The following IFI16 variants were observed in gnomAD, a reference collection of about 807,000 sequenced individuals.
The protein encoded by IFI16 is gamma-interferon-inducible protein 16.
In IFI16, 49 loss-of-function variants were observed where a neutral mutation model predicts 68.4. The ratio of observed to expected loss-of-function variants is 0.72; its 90% CI spans 0.57 to 0.91. IFI16 has a LOEUF of 0.91. IFI16 is among the 40% of genes least tolerant of loss of function. IFI16 has a pLI of 0.00. For synonymous variants in IFI16, 307 were observed against 315.0 expected (o/e 0.97, Z 0.27); for missense variants, 878 against 942.9 (o/e 0.93, Z 0.90).
At chr1:159,052,767 GA>G (rs939525026) in intron 10 of IFI16, 3 of 150,600 alleles carry the variant, frequency 2.0e-5, no homozygotes, top group Admixed American at 6.6e-5. Context: ...GCAAAAAAAA[GA>G]AAAAAAGCTT....
Position 159,054,952 on chromosome 1 carries a change from T to C in IFI16, c.*51T>C. The C allele has an allele frequency of 1.0e-6, 1 of 967,144 alleles. No individual in the cohort carries two copies. Among genetic ancestry groups the C allele is most frequent in the South Asian group, 1.4e-5 (1 of 71,322 alleles). 59.9% of individuals were successfully genotyped at this position (967,144 alleles called of 1,614,324 possible). A position where few individuals can be genotyped will look rare whatever the true frequency, so the allele number is the denominator to read the frequency against. On this transcript the variant is annotated 3_prime_UTR_variant, in exon 12 of 12. Transcript: ENST00000295809. ...TTTATGGAGATAAGGTCTAAGTGCC[T>C]AAAAAAATGTACATATACCTGGTTG...
In IFI16 at chr1:159,051,851, TGAA is replaced by T; in HGVS notation, c.1840_1842del (p.Lys614del). ...GCAACTGAGAATGAAGTCTTCCGAG[TGAA>T]GGTTTTTAATATTGACCTAAAGGAG... On this transcript the variant is annotated inframe_deletion, in exon 10 of 12. Transcript: ENST00000295809. 4 of 1,614,008 alleles carry T rather than the reference TGAA, an allele frequency of 2.5e-6. No homozygotes were observed. Among genetic ancestry groups the T allele is most frequent in the Non-Finnish European group, 3.4e-6 (4 of 1,179,950 alleles).
intron 6 of IFI16, among the ~76,000 whole-genome samples, chr1:159,027,242 C>T (rs1335552209): frequency 1.3e-5 from 2 of 152,068 alleles, no homozygotes. Context: ...TAAAGTGATG[C>T]TGGATTTTGT....
At chr1:159,045,561 A>G in intron 8 of IFI16, 97 bp downstream of exon 8, 3 of 1,353,736 alleles carry the variant, frequency 2.2e-6, no homozygotes, top group South Asian at 2.7e-5. Context: ...CCTACTACAT[A>G]CAATGCTTTA....
At chr1:159,018,104 C>A in intron 4 of IFI16, 125 bp from the exon 5 acceptor site, 1 of 733,370 alleles carries the variant, frequency 1.4e-6, no homozygotes, top group Non-Finnish European at 2.3e-6. Context: ...CCCTCTCTAT[C>A]CTGACTCCAG....
rs574839182 is a variant in IFI16, at chr1:159,031,532, T to C, written c.1162-992T>C. ...CTCTTCCCGCTGCTTCCTCTACCCC[T>C]GTATTTCGCTCAGCTCTCTAAATTC... On this transcript the variant is annotated intron_variant, in intron 6 of 11. Coordinates refer to ENST00000295809, the MANE Select transcript of IFI16 (RefSeq NM_001376587.1). 2.0e-5 allele frequency among the ~76,000 whole-genome samples: 3 copies of C among 152,304 alleles called. No individual in the cohort carries two copies. In the South Asian group the frequency reaches 6.2e-4, roughly 32 times the overall value.
chr1:159,007,723 A>G (rs1171108817), upstream of IFI16, among the ~76,000 whole-genome samples: 2 of 152,096 alleles, frequency 1.3e-5, no homozygotes, highest in East Asian at 1.9e-4. Context: ...CTCTCTCTCA[A>G]CACTAGGTGA....
chr1:159,001,646 T>C (rs1652064551), upstream of IFI16, among the ~76,000 whole-genome samples: 1 of 152,168 alleles, frequency 6.6e-6, no homozygotes, highest in Non-Finnish European at 1.5e-5. Flanking sequence ...TATTATATGC[T>C]AAACACAGTC....
rs1653100311 is a variant in IFI16 at position 159,018,668 on chromosome 1, G to A, written c.972+17G>A. The A allele has an allele frequency of 1.9e-6, 3 of 1,553,014 alleles. No homozygotes were observed. In the South Asian group the frequency reaches 3.6e-5, roughly 19 times the overall value. ...CTACATAAGGTAAGTCCTCAAAATT[G>A]TTTCGTTTCATTTTTCCACCAACAC... is the stretch of plus-strand genomic sequence containing the variant. On this transcript the variant is annotated intron_variant, in intron 5 of 11. Transcript: ENST00000295809.
At chr1:159,003,063 C>A (rs1652118136), upstream of IFI16, among the ~76,000 whole-genome samples, 1 of 152,154 alleles carries the variant, frequency 6.6e-6, no homozygotes, top group Admixed American at 6.5e-5. Flanking sequence ...AGGCATTATG[C>A]CAAATATATA....
At chr1:159,052,691 A>G (rs1655436232) in intron 10 of IFI16, 1 of 152,228 alleles carries the variant, frequency 6.6e-6, no homozygotes, top group Non-Finnish European at 1.5e-5. Flanking sequence ...TAAGAGAAAT[A>G]CGAAGCAAAA....
At chr1:159,032,869 C>A (rs1393682267) in intron 7 of IFI16, among the ~76,000 whole-genome samples, 178 bp downstream of exon 7, 2 of 151,978 alleles carry the variant, frequency 1.3e-5, no homozygotes, top group Admixed American at 1.3e-4. Context: ...ACATCATAAT[C>A]TTTACTATCT....
intron 8 of IFI16, among the ~76,000 whole-genome samples, chr1:159,048,246 T>C (rs1234891461): frequency 6.6e-6 from 1 of 151,346 alleles, no homozygotes. Context: ...TTATTGAGCA[T>C]TTACTGAGCT....
At chr1:159,041,737 TGTGTAGGCTGAA>T (rs1344021374) in intron 7 of IFI16, among the ~76,000 whole-genome samples, 1 of 152,192 alleles carries the variant, frequency 6.6e-6, no homozygotes, top group Non-Finnish European at 1.5e-5. Flanking sequence ...ATCCTGGTCC[TGTGTAGGCTGAA>T]ATGTGGGCTG....
At chr1:159,037,298 C>T (rs375828081) in intron 7 of IFI16, among the ~76,000 whole-genome samples, 3 of 152,248 alleles carry the variant, frequency 2.0e-5, no homozygotes, top group Non-Finnish European at 2.9e-5. Context: ...CCATGGCCGC[C>T]GATGCTTAAT....
At chr1:159,011,925 ACTAT>A (rs988070534) in intron 1 of IFI16, among the ~76,000 whole-genome samples, 24 of 152,078 alleles carry the variant, frequency 1.6e-4, no homozygotes, top group East Asian at 7.7e-4. Context: ...ATATCATCTC[ACTAT>A]CTAAGACAAT....
intron 7 of IFI16, among the ~76,000 whole-genome samples, chr1:159,033,772 C>T (rs768684886): frequency 2.6e-5 from 4 of 152,172 alleles, no homozygotes; most frequent in Non-Finnish European, 4.4e-5. Flanking sequence ...ACATAGCCCA[C>T]GCTTTGCAAA....
intron 7 of IFI16, among the ~76,000 whole-genome samples, chr1:159,035,999 T>C (rs1654311157): frequency 6.6e-6 from 1 of 152,216 alleles, no homozygotes; most frequent in Admixed American, 6.5e-5. Context: ...CAGAAATGAA[T>C]AGAGAAGTCT....
chr1:159,003,691 C>T (rs898289828), upstream of IFI16, among the ~76,000 whole-genome samples: 5 of 151,914 alleles, frequency 3.3e-5, no homozygotes, highest in Admixed American at 6.6e-5. Flanking sequence ...GACGGGGTCT[C>T]GCTTTGTCGC....
Sources: gnomAD v4.1 joint callset for allele counts (sites outside exome capture counted in the v4.1 genomes callset) on GRCh38, gnomAD v4.1.1 for gene constraint, MANE v1.5 for transcripts, NCBI Gene and HGNC (gene_info 2026-07-23, HGNC 2026-07-21) for gene names.